The following ZEB1 variants were observed in gnomAD, a reference collection of about 807,000 sequenced individuals.
ZEB1 encodes zinc finger E-box binding homeobox 1, also known as zinc finger E-box-binding homeobox 1.
ZEB1 carries 21 observed loss-of-function variants against 84.9 expected under a neutral mutation model. The observed-to-expected ratio is 0.25, with a 90% confidence interval of 0.18 to 0.36. The LOEUF (loss-of-function observed/expected upper bound fraction) is 0.36. Ranked by LOEUF, ZEB1 falls within the 10% of genes least tolerant of loss-of-function variation. The probability of loss-of-function intolerance (pLI) is 1.00; values close to 1 mark genes in which losing one functional copy is unlikely to be tolerated. For synonymous variants in ZEB1, 420 were observed against 471.1 expected, an observed-to-expected ratio of 0.89 and a Z score of 1.41; for missense variants, 1,104 against 1,330.2, an observed-to-expected ratio of 0.83 and a Z score of 2.65.
rs538129389 is a variant in ZEB1 at position 31,326,665 on chromosome 10, G to A, written c.58+7373G>A. On this transcript the variant is annotated intron_variant, in intron 1 of 8. Transcript: ENST00000424869. ...TCCTAGTTCGGTATTCTTTTCATTA[G>A]GTCATTTGAGCATATTTATCTAAGA... is the stretch of plus-strand genomic sequence containing the variant. Among the ~76,000 whole-genome samples, 143 of 152,170 alleles carry A rather than the reference G, an allele frequency of 9.4e-4. 2 individuals are homozygous for A. Among genetic ancestry groups the A allele is most frequent in the African/African-American group, 3.4e-3 (140 of 41,522 alleles).
At chr10:31,349,705 A>G (rs1356499327) in intron 1 of ZEB1, among the ~76,000 whole-genome samples, 2 of 152,098 alleles carry the variant, frequency 1.3e-5, no homozygotes, top group Admixed American at 6.5e-5. Context: ...CCTGTTGGCA[A>G]TTTGTATGTC....
intron 2 of ZEB1, among the ~76,000 whole-genome samples, chr10:31,470,291 A>C (rs1430295171): frequency 6.7e-6 from 1 of 149,490 alleles, no homozygotes; most frequent in African/African-American, 2.5e-5. Flanking sequence ...TTCAAACCAA[A>C]GGCAAAGAAG....
At chr10:31,389,141 C>T (rs1418383731) in intron 1 of ZEB1, among the ~76,000 whole-genome samples, 2 of 152,046 alleles carry the variant, frequency 1.3e-5, no homozygotes, top group African/African-American at 4.8e-5. Flanking sequence ...ATCTTGCCGT[C>T]TGTATCTACA....
chr10:31,346,648 G>GTC (rs2040369934), intron 1 of ZEB1, among the ~76,000 whole-genome samples: 1 of 151,812 alleles, frequency 6.6e-6, no homozygotes, highest in South Asian at 2.1e-4. Context: ...ACCACTTGAT[G>GTC]AAGAAAAATG....
At position 31,514,716 on chromosome 10, in the gene ZEB1, T is replaced by C. The variant is rs750444521; in HGVS notation, c.793+8T>C. 5 of 1,597,800 alleles carry C rather than the reference T, an allele frequency of 3.1e-6. No homozygotes were observed. In the African/African-American group the frequency reaches 4.0e-5, roughly 13 times the overall value. On this transcript the variant is annotated splice_region_variant and intron_variant, in intron 6 of 8. Coordinates refer to ENST00000424869, the MANE Select transcript of ZEB1 (RefSeq NM_001174096.2). ...ACTTAAGAATTCACAGTGGTAAATATTTTTTTTCTTTCTATACCCTGAATA... is the reference window on the plus strand; with the variant it reads ...ACTTAAGAATTCACAGTGGTAAATACTTTTTTTCTTTCTATACCCTGAATA...
chr10:31,501,772 A>G (rs1226219304), intron 3 of ZEB1, among the ~76,000 whole-genome samples: 2 of 152,160 alleles, frequency 1.3e-5, no homozygotes, highest in African/African-American at 4.8e-5. Flanking sequence ...AACAAGAACT[A>G]TAATAAAATA....
chr10:31,345,266 G>A (rs1033382967), intron 1 of ZEB1, among the ~76,000 whole-genome samples: 5 of 151,990 alleles, frequency 3.3e-5, no homozygotes, highest in Non-Finnish European at 7.4e-5. Context: ...GAAGATTAAA[G>A]TATACACTGT....
intron 1 of ZEB1, among the ~76,000 whole-genome samples, chr10:31,378,163 C>T (rs970665284): frequency 1.3e-5 from 2 of 151,382 alleles, no homozygotes; most frequent in Non-Finnish European, 3.0e-5. Flanking sequence ...CTCACTGAAT[C>T]ACTACTCCTA....
chr10:31,424,241 T>G (rs1167818337), intron 1 of ZEB1, among the ~76,000 whole-genome samples: 1 of 151,862 alleles, frequency 6.6e-6, no homozygotes, highest in Non-Finnish European at 1.5e-5. Context: ...GACTATAAAT[T>G]TTTTTTTGCA....
At chr10:31,452,661 A>G (rs1036037846) in intron 1 of ZEB1, among the ~76,000 whole-genome samples, 2 of 150,104 alleles carry the variant, frequency 1.3e-5, no homozygotes, top group Non-Finnish European at 3.0e-5. Context: ...TATACCTACT[A>G]TGTAGAAGGC....
intron 2 of ZEB1, among the ~76,000 whole-genome samples, chr10:31,467,984 G>A (rs560968180): frequency 9.9e-5 from 15 of 152,264 alleles, no homozygotes; most frequent in African/African-American, 3.1e-4. Context: ...CCAGTCAGGG[G>A]TGTAGAAGCT....
chr10:31,368,824 G>T (rs1010838672), intron 1 of ZEB1, among the ~76,000 whole-genome samples: 1 of 152,148 alleles, frequency 6.6e-6, no homozygotes, highest in African/African-American at 2.4e-5. Flanking sequence ...TGGTGGTATG[G>T]TGGAAGTAAT....
At chr10:31,424,781 T>G (rs978251100) in intron 1 of ZEB1, among the ~76,000 whole-genome samples, 2 of 152,010 alleles carry the variant, frequency 1.3e-5, no homozygotes, top group African/African-American at 4.8e-5. Context: ...TTTGTTGATA[T>G]AATATATTGC....
At chr10:31,480,699 A>G (rs936539693) in intron 2 of ZEB1, among the ~76,000 whole-genome samples, 4 of 152,166 alleles carry the variant, frequency 2.6e-5, no homozygotes, top group South Asian at 2.1e-4. Flanking sequence ...TTTCCCTGCA[A>G]TGTTGAACCT....
chr10:31,351,067 A>G (rs1008475972), intron 1 of ZEB1, among the ~76,000 whole-genome samples: 11 of 152,216 alleles, frequency 7.2e-5, no homozygotes, highest in Admixed American at 6.5e-4. Context: ...TTGCAGCCAA[A>G]TAGCAACCTT....
chr10:31,327,002 C>G (rs1469814705), intron 1 of ZEB1, among the ~76,000 whole-genome samples: 1 of 151,558 alleles, frequency 6.6e-6, no homozygotes, highest in East Asian at 1.9e-4. Context: ...TGTAGCTAGC[C>G]TTGTAAAATT....
At chr10:31,357,004 G>A (rs1412775543) in intron 1 of ZEB1, among the ~76,000 whole-genome samples, 1 of 152,136 alleles carries the variant, frequency 6.6e-6, no homozygotes, top group Non-Finnish European at 1.5e-5. Context: ...AAATCGACCT[G>A]TTAAATATAT....
chr10:31,439,474 T>C (rs1489766352), intron 1 of ZEB1, among the ~76,000 whole-genome samples: 1 of 152,124 alleles, frequency 6.6e-6, no homozygotes, highest in Non-Finnish European at 1.5e-5. Context: ...TTTTTGCCGA[T>C]TTACTAAACA....
chr10:31,477,478 T>G (rs1310891647), intron 2 of ZEB1, among the ~76,000 whole-genome samples: 2 of 151,972 alleles, frequency 1.3e-5, no homozygotes, highest in African/African-American at 4.8e-5. Flanking sequence ...TAATTACCAA[T>G]GTCATTCTTC....
Sources: allele counts gnomAD v4.1 joint callset (sites outside exome capture counted in the v4.1 genomes callset), GRCh38; gene constraint gnomAD v4.1.1; transcripts MANE v1.5; gene names NCBI Gene and HGNC (gene_info 2026-07-23, HGNC 2026-07-21).